FGF2: variants seen among roughly 807,000 people sequenced by gnomAD.
FGF2 encodes the protein basic fibroblast growth factor bFGF.
FGF2 carries 13 observed loss-of-function variants against 15.9 expected under a neutral mutation model. That is an observed-to-expected ratio of 0.82 (90% CI 0.53 to 1.30). The LOEUF (loss-of-function observed/expected upper bound fraction) is 1.30, where lower values mean the gene tolerates loss of function less well. Among genes scored for constraint, FGF2 ranks in the 50% most tolerant of loss-of-function variants. FGF2 has a pLI of 0.00. For missense variants in FGF2, 163 were observed against 196.9 expected (o/e 0.83, Z 1.03); for synonymous variants, 90 against 78.4 (o/e 1.15, Z -0.78).
chr4:122,828,138 G>T (rs926177092), intron 1 of FGF2, among the ~76,000 whole-genome samples: 2 of 152,190 alleles, frequency 1.3e-5, no homozygotes, highest in Non-Finnish European at 2.9e-5. Context: ...TTTGCTTTCT[G>T]TAAGAAACAA....
intron 2 of FGF2, among the ~76,000 whole-genome samples, chr4:122,877,661 G>T (rs1726885344): frequency 6.6e-6 from 1 of 152,244 alleles, no homozygotes; most frequent in African/African-American, 2.4e-5. Flanking sequence ...GTGCGTGTGT[G>T]TGTTTCACAG....
At chr4:122,854,797 G>A (rs1027438535) in intron 1 of FGF2, among the ~76,000 whole-genome samples, 3 of 152,120 alleles carry the variant, frequency 2.0e-5, no homozygotes, top group East Asian at 1.9e-4. Context: ...ACGTGCTGCC[G>A]GGGCTATTTT....
chr4:122,874,583 G>T (rs1726802267), intron 1 of FGF2, among the ~76,000 whole-genome samples: 1 of 151,996 alleles, frequency 6.6e-6, no homozygotes, highest in Non-Finnish European at 1.5e-5. Context: ...TCTAATGACT[G>T]TTAACACAAG....
chr4:122,850,769 CA>C (rs561305960), intron 1 of FGF2, among the ~76,000 whole-genome samples: 1 of 151,980 alleles, frequency 6.6e-6, no homozygotes, highest in Non-Finnish European at 1.5e-5. Flanking sequence ...AAGAAGGGAG[CA>C]AAAAAACCAA....
chr4:122,837,715 G>A (rs1186753273), intron 1 of FGF2, among the ~76,000 whole-genome samples: 1 of 151,908 alleles, frequency 6.6e-6, no homozygotes, highest in Admixed American at 6.6e-5. Flanking sequence ...GAATTGGATG[G>A]GGACTCAAGA....
intron 1 of FGF2, among the ~76,000 whole-genome samples, chr4:122,828,271 C>A (rs1294136243): frequency 2.0e-5 from 3 of 152,060 alleles, no homozygotes; most frequent in Non-Finnish European, 4.4e-5. Context: ...GGATGCTGAT[C>A]ACATCACACT....
chr4:122,845,748 C>T (rs1157026710), intron 1 of FGF2, among the ~76,000 whole-genome samples: 2 of 152,348 alleles, frequency 1.3e-5, no homozygotes, highest in East Asian at 3.9e-4. Flanking sequence ...TTGGCTTTGG[C>T]ATGAGGGAAT....
At chr4:122,868,548 CTT>C (rs1726654871) in intron 1 of FGF2, among the ~76,000 whole-genome samples, 1 of 152,100 alleles carries the variant, frequency 6.6e-6, no homozygotes, top group Non-Finnish European at 1.5e-5. Context: ...GGTTCCATGT[CTT>C]TGCTATTGTG....
At chr4:122,829,715 C>G (rs1207989287) in intron 1 of FGF2, among the ~76,000 whole-genome samples, 1 of 152,168 alleles carries the variant, frequency 6.6e-6, no homozygotes, top group Non-Finnish European at 1.5e-5. Context: ...CCCACCCTTT[C>G]TTCCCAAGTC....
At chr4:122,873,367 C>T (rs1290931797) in intron 1 of FGF2, among the ~76,000 whole-genome samples, 1 of 152,242 alleles carries the variant, frequency 6.6e-6, no homozygotes, top group East Asian at 1.9e-4. Flanking sequence ...TCTCTTAGCC[C>T]TTCTGTTCTG....
At chr4:122,889,515 A>C (rs1255160605) in intron 2 of FGF2, among the ~76,000 whole-genome samples, 1 of 85,804 alleles carries the variant, frequency 1.2e-5, no homozygotes, top group Non-Finnish European at 2.3e-5. Flanking sequence ...GAATGGAGAC[A>C]ATTGAAAATT....
intron 1 of FGF2, among the ~76,000 whole-genome samples, chr4:122,871,894 C>G (rs1726744303): frequency 7.3e-6 from 1 of 137,810 alleles, no homozygotes; most frequent in Admixed American, 7.5e-5. Flanking sequence ...TGAAAATAGA[C>G]AAACTCACAA....
At position 122,842,840 on chromosome 4, in the gene FGF2, T is replaced by C. The variant is rs1003126058; in HGVS notation, c.178+15488T>C. 8.9e-4 allele frequency among the ~76,000 whole-genome samples: 135 copies of C among 152,332 alleles called. 2 individuals are homozygous for C. Among genetic ancestry groups the C allele is most frequent in the African/African-American group, 3.2e-3 (133 of 41,590 alleles). On this transcript the variant is annotated intron_variant, in intron 1 of 2. Transcript: ENST00000644866. ...ATCAGTTTTAAACCCTTCATTTGTA[T>C]TTGCCTTATTAAAAAGCCATTTTTA...
chr4:122,881,597 T>C (rs1232763737), intron 2 of FGF2, among the ~76,000 whole-genome samples: 1 of 152,188 alleles, frequency 6.6e-6, no homozygotes, highest in African/African-American at 2.4e-5. Context: ...GTTCCTCATC[T>C]CCATTTGAGA....
chr4:122,886,993 A>T (rs1400284094), intron 2 of FGF2, among the ~76,000 whole-genome samples: 2 of 152,130 alleles, frequency 1.3e-5, no homozygotes, highest in Non-Finnish European at 2.9e-5. Flanking sequence ...TGTATTTATA[A>T]ATATTTCTAT....
At chr4:122,871,159 C>G (rs1037104658) in intron 1 of FGF2, among the ~76,000 whole-genome samples, 1 of 151,764 alleles carries the variant, frequency 6.6e-6, no homozygotes, top group African/African-American at 2.4e-5. Flanking sequence ...ATCCTGAGTT[C>G]TAATTTGATT....
chr4:122,833,141 A>G (rs186019082), intron 1 of FGF2, among the ~76,000 whole-genome samples: 1 of 152,164 alleles, frequency 6.6e-6, no homozygotes, highest in East Asian at 1.9e-4. Context: ...TGACCGGTGT[A>G]TCTTTGATAC....
At chr4:122,844,586 T>TCTTTCTTTCTTCCTTCCTTCCTTCCTTC (rs1419377686) in intron 1 of FGF2, among the ~76,000 whole-genome samples, 2 of 133,784 alleles carry the variant, frequency 1.5e-5, no homozygotes, top group African/African-American at 6.6e-5. Flanking sequence ...TTTCTTTCTT[T>TCTTTCTTTCTTCCTTCCTTCCTTCCTTC]CTTCCTTCCT....
intron 1 of FGF2, among the ~76,000 whole-genome samples, chr4:122,831,926 G>T (rs1211599672): frequency 7.2e-5 from 11 of 152,060 alleles, no homozygotes; most frequent in African/African-American, 2.7e-4. Flanking sequence ...AAACAAGAAC[G>T]GTTCTTTAAA....
Sources: gnomAD v4.1 joint callset for allele counts (sites outside exome capture counted in the v4.1 genomes callset) on GRCh38, gnomAD v4.1.1 for gene constraint, MANE v1.5 for transcripts, NCBI Gene and HGNC (gene_info 2026-07-23, HGNC 2026-07-21) for gene names.